The following FRYL variants were observed in gnomAD, a reference collection of about 807,000 sequenced individuals.
FRYL encodes the protein FRY like transcription coactivator.
In FRYL, 150 loss-of-function variants were observed where a neutral mutation model predicts 351.2. The observed-to-expected ratio is 0.43, with a 90% CI of 0.37 to 0.49. The LOEUF is 0.49. Ranked by LOEUF, FRYL falls within the 20% of genes least tolerant of loss-of-function variation. The pLI is 0.00. For synonymous variants in FRYL, 1,153 were observed against 1,257.1 expected, an observed-to-expected ratio of 0.92 and a Z score of 1.75; for missense variants, 3,036 against 3,619.3, an observed-to-expected ratio of 0.84 and a Z score of 4.13.
intron 33 of FRYL, among the ~76,000 whole-genome samples, chr4:48,560,012 C>T (rs1735103920): frequency 6.6e-6 from 1 of 152,074 alleles, no homozygotes; most frequent in South Asian, 2.1e-4. Flanking sequence ...CTGTGAAGAT[C>T]TAAGGCATGC....
chr4:48,594,588 A>G (rs1232090168), intron 15 of FRYL, among the ~76,000 whole-genome samples: 2 of 152,192 alleles, frequency 1.3e-5, no homozygotes, highest in African/African-American at 2.4e-5. Flanking sequence ...GCTTTTATTA[A>G]TCTTACTGAT....
At chr4:48,761,807 T>A (rs192706855) in intron 1 of FRYL, among the ~76,000 whole-genome samples, 5 of 152,232 alleles carry the variant, frequency 3.3e-5, no homozygotes, top group Non-Finnish European at 7.3e-5. Context: ...ACAGCCTAGA[T>A]GTGTAGCAGG....
intron 13 of FRYL, among the ~76,000 whole-genome samples, chr4:48,600,872 T>G (rs1745554880): frequency 6.6e-6 from 1 of 152,194 alleles, no homozygotes; most frequent in African/African-American, 2.4e-5. Flanking sequence ...CAGTTTGATT[T>G]GGTCCTGGGA....
At chr4:48,758,036 T>C (rs1578944296) in intron 1 of FRYL, among the ~76,000 whole-genome samples, 1 of 152,194 alleles carries the variant, frequency 6.6e-6, no homozygotes, top group East Asian at 1.9e-4. Context: ...TAACCATATG[T>C]AGAAAGCTGA....
chr4:48,587,531 G>A (rs982993551), intron 18 of FRYL, among the ~76,000 whole-genome samples: 3 of 151,528 alleles, frequency 2.0e-5, no homozygotes, highest in African/African-American at 7.3e-5. Context: ...CAGTGTTTTG[G>A]GTTTTATTTT....
intron 27 of FRYL, among the ~76,000 whole-genome samples, chr4:48,568,495 A>G (rs1010229102): frequency 6.6e-6 from 1 of 152,190 alleles, no homozygotes; most frequent in Non-Finnish European, 1.5e-5. Context: ...ATGATTAGCT[A>G]TTACATATGC....
intron 63 of FRYL, 151 bp from the exon 64 acceptor site, chr4:48,499,831 G>T: frequency 1.2e-6 from 1 of 841,908 alleles, no homozygotes; most frequent in Non-Finnish European, 1.8e-6. Context: ...AGTACCACCT[G>T]AATTCACTTT....
intron 55 of FRYL, among the ~76,000 whole-genome samples, chr4:48,519,564 G>A (rs548198314): frequency 6.6e-4 from 100 of 151,004 alleles, no homozygotes; most frequent in African/African-American, 2.3e-3. Flanking sequence ...CTGCAGTGGC[G>A]CGATCTCGGC....
chr4:48,606,366 T>G, intron 10 of FRYL, 72 bp downstream of exon 10: 1 of 953,518 alleles, frequency 1.0e-6, no homozygotes, highest in South Asian at 2.2e-5. Context: ...GTATTTTGTT[T>G]CTTTTAAAAA....
At position 48,620,646 on chromosome 4, in the gene FRYL, A is replaced by G; in HGVS notation, c.307T>C (p.Ser103Pro). The change falls in exon 6 of 64, where the codon TCT becomes CCT. Residue 103 changes from serine (S) to proline (P), a missense_variant. This residue lies in a region of FRYL where 457 missense variants were observed against 566.6 expected (regional missense o/e 0.81). Transcript: ENST00000358350. ...YEYRPRSSTK[S>P]KGDEQQRERD... ...GTAAAATAAAGCACTTACCCCTTAG[A>G]CTTTGTGCTAGACCGAGGCCTATAT... The G allele has an allele frequency of 6.2e-7, 1 of 1,612,498 alleles. No individual in the cohort carries two copies. The highest frequency in any genetic ancestry group is 1.1e-5 in the South Asian group (1 of 90,904).
At chr4:48,565,148 C>T (rs1736484876) in intron 29 of FRYL, 105 bp from the exon 30 acceptor site, 2 of 558,996 alleles carry the variant, frequency 3.6e-6, no homozygotes, top group Non-Finnish European at 6.2e-6. Context: ...ATACTTTAAT[C>T]TTTTTTCTTT....
intron 1 of FRYL, among the ~76,000 whole-genome samples, chr4:48,717,975 T>G (rs1371123119): frequency 6.6e-6 from 1 of 151,666 alleles, no homozygotes; most frequent in Non-Finnish European, 1.5e-5. Flanking sequence ...CTACATCACC[T>G]TATAACTCCA....
At chr4:48,745,591 C>CG (rs1308859873) in intron 1 of FRYL, among the ~76,000 whole-genome samples, 1 of 150,756 alleles carries the variant, frequency 6.6e-6, no homozygotes, top group Admixed American at 6.6e-5. Context: ...CATCACACAC[C>CG]GGGGCCTGTT....
At chr4:48,766,577 A>G (rs976252559) in intron 1 of FRYL, among the ~76,000 whole-genome samples, 2 of 152,182 alleles carry the variant, frequency 1.3e-5, no homozygotes, top group Non-Finnish European at 2.9e-5. Flanking sequence ...GCAAAGAGCC[A>G]TGATCCACCC....
intron 3 of FRYL, among the ~76,000 whole-genome samples, chr4:48,675,656 TC>T (rs1763530302): frequency 6.6e-6 from 1 of 152,086 alleles, no homozygotes; most frequent in South Asian, 2.1e-4. Flanking sequence ...GGCCCTAGCC[TC>T]CCCGACGAGC....
At chr4:48,737,692 C>T (rs1192938916) in intron 1 of FRYL, among the ~76,000 whole-genome samples, 1 of 152,218 alleles carries the variant, frequency 6.6e-6, no homozygotes, top group African/African-American at 2.4e-5. Context: ...AGACTAATAT[C>T]GATCATGAAC....
intron 1 of FRYL, among the ~76,000 whole-genome samples, chr4:48,728,733 A>G (rs537101248): frequency 6.6e-6 from 1 of 152,290 alleles, no homozygotes; most frequent in African/African-American, 2.4e-5. Context: ...GAAACCATGA[A>G]AGTAAGAAGA....
At chr4:48,764,524 C>G (rs1228530037) in intron 1 of FRYL, among the ~76,000 whole-genome samples, 1 of 146,426 alleles carries the variant, frequency 6.8e-6, no homozygotes, top group Non-Finnish European at 1.5e-5. Context: ...AAGCGAGACT[C>G]TGTTTCAAAA....
intron 2 of FRYL, among the ~76,000 whole-genome samples, chr4:48,709,046 C>T (rs373330803): frequency 1.1e-4 from 17 of 152,014 alleles, no homozygotes; most frequent in African/African-American, 3.9e-4. Flanking sequence ...CTCAGCCTCC[C>T]GAGTAGCTGG....
Sources: allele counts gnomAD v4.1 joint callset (sites outside exome capture counted in the v4.1 genomes callset), GRCh38; gene constraint gnomAD v4.1.1; regional missense constraint gnomAD v4.1.1; transcripts MANE v1.5; gene names NCBI Gene and HGNC (gene_info 2026-07-23, HGNC 2026-07-21).